The following HDAC9 variants were observed in gnomAD, a reference collection of about 807,000 sequenced individuals.
The protein encoded by HDAC9 is MEF-2 interacting transcription repressor (MITR) protein.
Under a neutral mutation model 139.4 loss-of-function variants are expected in HDAC9, and 41 were observed. The observed-to-expected ratio is 0.29, with a 90% CI of 0.23 to 0.38. The LOEUF is 0.38. Among genes scored for constraint, HDAC9 ranks in the 10% least tolerant of loss-of-function variants. The probability of loss-of-function intolerance (pLI) is 1.00; values close to 1 mark genes in which losing one functional copy is unlikely to be tolerated. For synonymous variants in HDAC9, 517 were observed against 476.2 expected, an observed-to-expected ratio of 1.09 and a Z score of -1.12; for missense variants, 1,147 against 1,297.0, an observed-to-expected ratio of 0.88 and a Z score of 1.78.
chr7:18,667,376 A>T (rs1159824083), intron 12 of HDAC9: 10 of 981,536 alleles, frequency 1.0e-5, no homozygotes, highest in Non-Finnish European at 9.7e-6. Flanking sequence ...AAGGTGTATC[A>T]TATTTTATAT....
chr7:18,715,968 T>A (rs559578761), intron 12 of HDAC9, among the ~76,000 whole-genome samples: 2 of 152,324 alleles, frequency 1.3e-5, no homozygotes, highest in East Asian at 3.9e-4. Context: ...TCAAGATAAA[T>A]CTATCCAATT....
chr7:18,627,031 C>A (rs1841897447), intron 6 of HDAC9, among the ~76,000 whole-genome samples: 4 of 150,858 alleles, frequency 2.7e-5, no homozygotes, highest in Admixed American at 2.0e-4. Context: ...GTTTCATAAA[C>A]CCTTCCCTTC....
chr7:18,714,587 G>T (rs1477370237), intron 12 of HDAC9, among the ~76,000 whole-genome samples: 7 of 152,222 alleles, frequency 4.6e-5, no homozygotes, highest in Non-Finnish European at 8.8e-5. Context: ...CCTGTCACGA[G>T]AGTGACTTTC....
At chr7:18,684,983 G>A (rs1427414687) in intron 12 of HDAC9, among the ~76,000 whole-genome samples, 25 of 151,888 alleles carry the variant, frequency 1.6e-4, no homozygotes, top group Admixed American at 1.6e-3. Flanking sequence ...GTTTTATGTG[G>A]TTTTCTTTTC....
intron 16 of HDAC9, among the ~76,000 whole-genome samples, chr7:18,786,957 G>C (rs575939739): frequency 1.3e-5 from 2 of 151,614 alleles, no homozygotes; most frequent in African/African-American, 2.4e-5. Flanking sequence ...GATTCTATGA[G>C]GTTTATAGAG....
At chr7:18,142,968 G>C (rs966160443) in intron 1 of HDAC9, among the ~76,000 whole-genome samples, 1 of 152,216 alleles carries the variant, frequency 6.6e-6, no homozygotes, top group African/African-American at 2.4e-5. Context: ...TTAGTTGTGA[G>C]ATATATTCAG....
chr7:18,835,556 C>A lies in HDAC9; in HGVS notation c.2556C>A (p.Asn852Lys), dbSNP rs767416895. The stretch of plus-strand genomic sequence containing the variant: ...CACTCCATCGCTATGATGAAGGGAA[C>A]TTTTTCCCTGGCAGTGGAGCCCCAA... Reference protein sequence around the residue: ...YISLHRYDEGNFFPGSGAPNE... With the variant: ...YISLHRYDEGKFFPGSGAPNE... The change falls in exon 20 of 26, where the codon AAC becomes AAA. Residue 852 changes from asparagine (N) to lysine (K), a missense_variant. Asn to Lys is a moderately conservative substitution (Grantham distance 94). This residue lies in a region of HDAC9 where 407 missense variants were observed against 521.5 expected (regional missense o/e 0.78). Transcript: ENST00000686413. The A allele has an allele frequency of 6.2e-7, 1 of 1,613,786 alleles. No individual in the cohort carries two copies. Among genetic ancestry groups the A allele is most frequent in the Non-Finnish European group, 8.5e-7 (1 of 1,179,722 alleles).
At chr7:18,618,657 C>T (rs1442105242) in intron 6 of HDAC9, among the ~76,000 whole-genome samples, 1 of 148,290 alleles carries the variant, frequency 6.7e-6, no homozygotes, top group African/African-American at 2.5e-5. Context: ...TATATATCCA[C>T]AATAAAATTA....
chr7:18,263,663 C>T (rs1407033458), intron 2 of HDAC9, among the ~76,000 whole-genome samples: 1 of 150,464 alleles, frequency 6.6e-6, no homozygotes, highest in Non-Finnish European at 1.5e-5. Flanking sequence ...GGCTGGAGTG[C>T]AGTGGTGTGA....
rs528073837 is a variant in HDAC9 at position 18,793,996 on chromosome 7, T to G, written c.2322+544T>G. Among the ~76,000 whole-genome samples, 21 of 152,334 alleles carry G rather than the reference T, an allele frequency of 1.4e-4. 1 individual carries two copies. Among genetic ancestry groups the G allele is most frequent in the Admixed American group, 9.1e-4 (14 of 15,306 alleles). ...CTTTATTGTTCTTTTCTTTTTATGG[T>G]CTCTTCTTTTCTACATCGTATGAAA... On this transcript the variant is annotated intron_variant, in intron 17 of 25. Transcript: ENST00000686413.
chr7:18,483,820 C>T (rs1460465702), intron 1 of HDAC9, among the ~76,000 whole-genome samples: 2 of 152,098 alleles, frequency 1.3e-5, no homozygotes, highest in African/African-American at 4.8e-5. Flanking sequence ...TATATCATGA[C>T]TGTCTAAACA....
At chr7:18,443,580 G>A (rs983645964) in intron 1 of HDAC9, among the ~76,000 whole-genome samples, 1 of 152,108 alleles carries the variant, frequency 6.6e-6, no homozygotes, top group African/African-American at 2.4e-5. Flanking sequence ...TAACAGTGAG[G>A]AGATCCTCAG....
intron 25 of HDAC9, among the ~76,000 whole-genome samples, chr7:18,995,319 T>C (rs1369022625): frequency 1.3e-5 from 2 of 152,228 alleles, no homozygotes; most frequent in African/African-American, 4.8e-5. Context: ...ATTTATTCTT[T>C]TGAGTAAATT....
At chr7:18,336,461 C>G (rs1781591528) in intron 1 of HDAC9, among the ~76,000 whole-genome samples, 1 of 151,572 alleles carries the variant, frequency 6.6e-6, no homozygotes, top group Non-Finnish European at 1.5e-5. Flanking sequence ...TTTATACTGT[C>G]CTCTCTGCTG....
In HDAC9 at chr7:18,094,586, C is replaced by T. The variant is rs114049943; in HGVS notation, c.-97+7373C>T. On this transcript the variant is annotated intron_variant, in intron 1 of 12. Coordinates refer to the HDAC9 transcript ENST00000417496. ...GCTAGGACTCACAGGCTCATGCCAG[C>T]GTACCTGGCTAATTAAAAAAAATTA... 5.2e-3 allele frequency among the ~76,000 whole-genome samples: 790 copies of T among 151,926 alleles called. 11 individuals carry two copies. Among genetic ancestry groups the T allele is most frequent in the African/African-American group, 0.018 (752 of 41,430 alleles).
At chr7:18,436,127 A>G (rs571380978) in intron 1 of HDAC9, among the ~76,000 whole-genome samples, 8 of 152,066 alleles carry the variant, frequency 5.3e-5, no homozygotes, top group African/African-American at 1.9e-4. Flanking sequence ...CGATTTTCCA[A>G]TACTAATATT....
intron 2 of HDAC9, among the ~76,000 whole-genome samples, chr7:18,276,401 T>C (rs970494892): frequency 2.6e-5 from 4 of 152,228 alleles, no homozygotes; most frequent in African/African-American, 9.6e-5. Flanking sequence ...TCCTATTTTC[T>C]ACAAATACTT....
intron 22 of HDAC9, among the ~76,000 whole-genome samples, chr7:18,915,039 G>T (rs1356959484): frequency 6.6e-6 from 1 of 152,036 alleles, no homozygotes; most frequent in Non-Finnish European, 1.5e-5. Context: ...TGTGTATCTT[G>T]TTCAAATAAA....
Position 18,788,575 on chromosome 7 carries a change from T to A in HDAC9, c.2215-4770T>A, listed in dbSNP as rs1585039213. ...TTCAAGACTAGCCTGGCCAACATGG[T>A]GAAACCCCATCTCTACTAAAAATAC... On this transcript the variant is annotated intron_variant, in intron 16 of 25. Transcript: ENST00000686413. Among the ~76,000 whole-genome samples the A allele has an allele frequency of 4.6e-5, 7 of 152,032 alleles. No individual in the cohort carries two copies. The East Asian group carries it at 1.2e-3, about 25-fold the overall frequency.
Sources: gnomAD v4.1 joint callset for allele counts (sites outside exome capture counted in the v4.1 genomes callset) on GRCh38, gnomAD v4.1.1 for gene constraint, gnomAD v4.1.1 regional missense constraint, MANE v1.5 for transcripts, NCBI Gene and HGNC (gene_info 2026-07-23, HGNC 2026-07-21) for gene names.